Variants in JARID2 observed in about 807,000 individuals in gnomAD.
JARID2 encodes the protein protein Jumonji.
In JARID2, 21 loss-of-function variants were observed where a neutral mutation model predicts 125.6. The ratio of observed to expected loss-of-function variants is 0.17; its 90% confidence interval spans 0.12 to 0.24. The LOEUF (loss-of-function observed/expected upper bound fraction) is 0.24, where lower values mean the gene tolerates loss of function less well. JARID2 is among the 10% of genes least tolerant of loss of function. The pLI is 1.00. For synonymous variants in JARID2, 736 were observed against 661.6 expected (o/e 1.11, Z -1.73); for missense variants, 1,303 against 1,639.6 (o/e 0.79, Z 3.55).
chr6:15,268,357 C>T (rs1760168245), intron 1 of JARID2, among the ~76,000 whole-genome samples: 1 of 152,220 alleles, frequency 6.6e-6, no homozygotes, highest in Non-Finnish European at 1.5e-5. Flanking sequence ...AGGAGTGCAG[C>T]TTAACGCCAG....
chr6:15,335,023 T>C (rs765152063), intron 1 of JARID2, among the ~76,000 whole-genome samples: 2 of 152,180 alleles, frequency 1.3e-5, no homozygotes, highest in African/African-American at 2.4e-5. Flanking sequence ...TAATTGAAAG[T>C]CCATAGATTT....
intron 1 of JARID2, among the ~76,000 whole-genome samples, chr6:15,345,545 C>A (rs1763216822): frequency 6.6e-6 from 1 of 152,116 alleles, no homozygotes; most frequent in South Asian, 2.1e-4. Flanking sequence ...GTAATTCAAC[C>A]TCTTGGAATT....
intron 1 of JARID2, among the ~76,000 whole-genome samples, chr6:15,295,576 A>G (rs996491005): frequency 7.9e-5 from 12 of 152,190 alleles, no homozygotes; most frequent in Admixed American, 3.3e-4. Context: ...GGAAGTCTTG[A>G]TTGGAAGGAG....
intron 2 of JARID2, among the ~76,000 whole-genome samples, chr6:15,402,372 C>G (rs1765472079): frequency 6.6e-6 from 1 of 152,184 alleles, no homozygotes; most frequent in Non-Finnish European, 1.5e-5. Flanking sequence ...GACCTAAGTA[C>G]ATACACACTT....
chr6:15,381,771 T>A (rs573380645), intron 2 of JARID2, among the ~76,000 whole-genome samples: 37 of 152,316 alleles, frequency 2.4e-4, no homozygotes, highest in Non-Finnish European at 5.0e-4. Context: ...GAGATCAAGT[T>A]GCTTACTTTG....
chr6:15,444,120 A>T (rs1314526384), intron 3 of JARID2, among the ~76,000 whole-genome samples: 1 of 152,208 alleles, frequency 6.6e-6, no homozygotes, highest in Non-Finnish European at 1.5e-5. Flanking sequence ...CTAGGGCTCC[A>T]TCTCCAGAAG....
At chr6:15,457,106 G>A (rs755385117) in intron 4 of JARID2, among the ~76,000 whole-genome samples, 11 of 151,946 alleles carry the variant, frequency 7.2e-5, no homozygotes, top group Middle Eastern at 3.4e-3. Context: ...TTATACTTTC[G>A]TTTTTGCAGT....
At position 15,473,514 on chromosome 6, in the gene JARID2, G is replaced by GGGCCCC. The variant is rs1769181602; in HGVS notation, c.670+4796_670+4797insGGCCCC. Reference sequence around the variant, plus strand: ...GTCTCCCTTGTCTTCTGATGTGCGTGCCCCCCCCCCCCCCCCGCTTTGTGT... The same window carrying GGGCCCC: ...GTCTCCCTTGTCTTCTGATGTGCGTGGGCCCCCCCCCCCCCCCCCCCCGCTTTGTGT... On this transcript the variant is annotated intron_variant, in intron 5 of 17. Transcript: ENST00000341776. Among the ~76,000 whole-genome samples the GGGCCCC allele has an allele frequency of 1.4e-4, 5 of 35,068 alleles. 1 individual carries two copies. The highest frequency in any genetic ancestry group is 2.2e-4 in the Non-Finnish European group (3 of 13,442). The allele number at this position is 35,068 out of a possible 152,430, so 23.0% of individuals were successfully genotyped here.
At chr6:15,260,612 A>G (rs956483757) in intron 1 of JARID2, among the ~76,000 whole-genome samples, 1 of 152,250 alleles carries the variant, frequency 6.6e-6, no homozygotes, top group African/African-American at 2.4e-5. Context: ...AACTCCTGGT[A>G]CAAATAAGAA....
chr6:15,252,912 A>G (rs1362196356), intron 1 of JARID2, among the ~76,000 whole-genome samples: 1 of 152,096 alleles, frequency 6.6e-6, no homozygotes, highest in Non-Finnish European at 1.5e-5. Context: ...GGCATCTTTT[A>G]TTCTAGGAGG....
chr6:15,451,941 C>G, intron 3 of JARID2, 65 bp from the exon 4 acceptor site: 3 of 1,465,988 alleles, frequency 2.0e-6, no homozygotes, highest in Non-Finnish European at 2.8e-6. Flanking sequence ...ATTTTATTGC[C>G]GCACGTAGGC....
At chr6:15,447,773 C>G (rs1267537301) in intron 3 of JARID2, among the ~76,000 whole-genome samples, 2 of 152,236 alleles carry the variant, frequency 1.3e-5, no homozygotes, top group Non-Finnish European at 2.9e-5. Flanking sequence ...GCCCCACAGG[C>G]TGGGTGCAGC....
At chr6:15,385,846 T>G (rs1224381264) in intron 2 of JARID2, among the ~76,000 whole-genome samples, 1 of 152,172 alleles carries the variant, frequency 6.6e-6, no homozygotes, top group Non-Finnish European at 1.5e-5. Context: ...CGTGACACCC[T>G]AGGCCCCCAG....
chr6:15,347,780 C>T lies in JARID2; in HGVS notation c.46-26337C>T, dbSNP rs557302404. On this transcript the variant is annotated intron_variant, in intron 1 of 17. Transcript: ENST00000341776. Reference sequence around the variant, plus strand: ...TCACGCAAGCTGGAGTGCAGTGGCGCTATCATGGCTCACAATAGCCTCTTC... The same window carrying T: ...TCACGCAAGCTGGAGTGCAGTGGCGTTATCATGGCTCACAATAGCCTCTTC... 2.6e-5 allele frequency among the ~76,000 whole-genome samples: 4 copies of T among 151,778 alleles called. No individual in the cohort carries two copies. In the East Asian group the frequency reaches 7.8e-4, roughly 30 times the overall value.
chr6:15,407,951 C>T (rs1420972757), intron 2 of JARID2, among the ~76,000 whole-genome samples: 1 of 152,074 alleles, frequency 6.6e-6, no homozygotes, highest in Non-Finnish European at 1.5e-5. Context: ...ATGTTATTCC[C>T]ACCTTGTGCT....
intron 1 of JARID2, among the ~76,000 whole-genome samples, chr6:15,278,570 A>G (rs1249074282): frequency 1.3e-5 from 2 of 152,092 alleles, no homozygotes; most frequent in Non-Finnish European, 2.9e-5. Flanking sequence ...TGGGCAACAG[A>G]GCAAGACTCC....
chr6:15,464,494 G>A (rs927180268), intron 4 of JARID2, among the ~76,000 whole-genome samples: 2 of 152,302 alleles, frequency 1.3e-5, no homozygotes, highest in Admixed American at 1.3e-4. Context: ...GTGATGGATT[G>A]GCCGTGGCCC....
chr6:15,481,417 C>G (rs1356434369), intron 5 of JARID2, among the ~76,000 whole-genome samples: 2 of 152,166 alleles, frequency 1.3e-5, no homozygotes, highest in Admixed American at 1.3e-4. Flanking sequence ...CTGTCTTTCT[C>G]TCTCTTATGT....
At chr6:15,273,013 A>T (rs1183699565) in intron 1 of JARID2, among the ~76,000 whole-genome samples, 1 of 152,134 alleles carries the variant, frequency 6.6e-6, no homozygotes, top group Admixed American at 6.6e-5. Context: ...GTGTTTTCTT[A>T]TCAACCTACA....
Sources: allele counts gnomAD v4.1 joint callset (sites outside exome capture counted in the v4.1 genomes callset), GRCh38; gene constraint gnomAD v4.1.1; transcripts MANE v1.5; gene names NCBI Gene and HGNC (gene_info 2026-07-23, HGNC 2026-07-21).